GRID2: variants seen among roughly 807,000 people sequenced by gnomAD.
GRID2 encodes glutamate receptor ionotropic, delta-2.
Under a neutral mutation model 114.8 loss-of-function variants are expected in GRID2, and 33 were observed. That is an observed-to-expected ratio of 0.29 (90% CI 0.22 to 0.38). GRID2 has a LOEUF of 0.38. Among genes scored for constraint, GRID2 ranks in the 10% least tolerant of loss-of-function variants. The probability of loss-of-function intolerance (pLI) is 1.00; values close to 1 mark genes in which losing one functional copy is unlikely to be tolerated. For synonymous variants in GRID2, 505 were observed against 449.9 expected (o/e 1.12, Z -1.55); for missense variants, 1,184 against 1,257.7 (o/e 0.94, Z 0.89).
chr4:93,230,207 TC>T (rs1745963107), intron 7 of GRID2, among the ~76,000 whole-genome samples: 1 of 151,966 alleles, frequency 6.6e-6, no homozygotes, highest in African/African-American at 2.4e-5. Flanking sequence ...CATTAGATTT[TC>T]AAACTGGTTA....
intron 14 of GRID2, among the ~76,000 whole-genome samples, chr4:93,645,506 TAAAAAG>T (rs1424035598): frequency 6.6e-6 from 1 of 152,072 alleles, no homozygotes; most frequent in Non-Finnish European, 1.5e-5. Context: ...GGCATAGAGA[TAAAAAG>T]AAAAAGGTTG....
chr4:93,800,321 G>T (rs2110366112), intron 1 of GRID2, among the ~76,000 whole-genome samples: 1 of 152,322 alleles, frequency 6.6e-6, no homozygotes, highest in African/African-American at 2.4e-5. Flanking sequence ...ATGGGAAAAT[G>T]ATATGACCCT....
chr4:92,808,819 G>A (rs573854800), intron 2 of GRID2, among the ~76,000 whole-genome samples: 1 of 150,548 alleles, frequency 6.6e-6, no homozygotes, highest in South Asian at 2.1e-4. Context: ...TTATTCCCAT[G>A]TTGGCTAACA....
At chr4:92,307,844 T>A (rs555651803) in intron 1 of GRID2, among the ~76,000 whole-genome samples, 4 of 152,148 alleles carry the variant, frequency 2.6e-5, no homozygotes, top group Non-Finnish European at 5.9e-5. Flanking sequence ...TAAAGAAAGG[T>A]CTTTTGACAT....
rs1304447510 is a variant in GRID2 at position 92,935,478 on chromosome 4, G to A, written c.245-149517G>A. ...CAACCATTGTGGAAGTCAGTGTGGC[G>A]CTTCCTCAGGGATCTAGAACTAGAA... is the stretch of plus-strand genomic sequence containing the variant. On this transcript the variant is annotated intron_variant, in intron 2 of 15. Coordinates refer to ENST00000282020, the MANE Select transcript of GRID2 (RefSeq NM_001510.4). Among the ~76,000 whole-genome samples, 37 of 146,232 alleles carry A rather than the reference G, an allele frequency of 2.5e-4. 3 individuals carry two copies. Among genetic ancestry groups the A allele is most frequent in the South Asian group, 6.9e-4 (3 of 4,342 alleles).
rs1239048411 is a variant in GRID2 at position 92,868,100 on chromosome 4, CTCTT to C, written c.245-216885_245-216882del. 2.4e-3 allele frequency among the ~76,000 whole-genome samples: 357 copies of C among 146,532 alleles called. 5 individuals are homozygous for C. In the South Asian group the frequency reaches 0.025, roughly 10 times the overall value. ...TCTGTCTGTCTGTCTTTCTTTCTTT[CTCTT>C]TCTTTCTTTTTTTAATGTGCAGTTG... is the stretch of plus-strand genomic sequence containing the variant. On this transcript the variant is annotated intron_variant, in intron 2 of 15. Coordinates refer to ENST00000282020, the MANE Select transcript of GRID2 (RefSeq NM_001510.4).
intron 2 of GRID2, among the ~76,000 whole-genome samples, chr4:92,630,848 A>G (rs1730770466): frequency 6.6e-6 from 1 of 152,076 alleles, no homozygotes. Flanking sequence ...GTTTTAAACT[A>G]TAATCCAATT....
At chr4:93,373,840 C>G (rs1368716) in intron 8 of GRID2, among the ~76,000 whole-genome samples, 1 of 151,940 alleles carries the variant, frequency 6.6e-6, no homozygotes, top group Admixed American at 6.6e-5. Flanking sequence ...AAATGCCAGC[C>G]GGGAAAGGCT....
intron 2 of GRID2, among the ~76,000 whole-genome samples, chr4:93,070,559 G>A (rs72665248): frequency 0.027 from 4,042 of 152,018 alleles, 97 homozygotes; most frequent in Non-Finnish European, 0.042. Flanking sequence ...CCAACTATAT[G>A]TCTTAATCAG....
At chr4:93,171,973 T>C (rs1320120118) in intron 4 of GRID2, among the ~76,000 whole-genome samples, 2 of 152,200 alleles carry the variant, frequency 1.3e-5, no homozygotes, top group Non-Finnish European at 2.9e-5. Flanking sequence ...AATTGCTAGA[T>C]TATCATTATA....
At chr4:92,937,713 C>G (rs1432687632) in intron 2 of GRID2, among the ~76,000 whole-genome samples, 2 of 146,560 alleles carry the variant, frequency 1.4e-5, no homozygotes, top group African/African-American at 4.9e-5. Context: ...GATCAGCTTT[C>G]TTTAACATTT....
At chr4:93,764,187 A>G (rs1408438383) in intron 14 of GRID2, among the ~76,000 whole-genome samples, 1 of 152,194 alleles carries the variant, frequency 6.6e-6, no homozygotes, top group African/African-American at 2.4e-5. Context: ...CTTTAATTTT[A>G]ATATGAAAGA....
chr4:93,600,606 T>C (rs1363146900), intron 13 of GRID2, among the ~76,000 whole-genome samples: 1 of 152,142 alleles, frequency 6.6e-6, no homozygotes, highest in Non-Finnish European at 1.5e-5. Flanking sequence ...AGAACTTACA[T>C]ATATTGATGA....
rs187520559 is a variant in GRID2 at position 93,473,374 on chromosome 4, A to G, written c.1859-17265A>G. On this transcript the variant is annotated intron_variant, in intron 11 of 15. Coordinates refer to ENST00000282020, the MANE Select transcript of GRID2 (RefSeq NM_001510.4). ...ATACTTCATATTTGAACATTTCAACAATTAAAATCACATAAGTTTTAATAG... is the reference window on the plus strand; with the variant it reads ...ATACTTCATATTTGAACATTTCAACGATTAAAATCACATAAGTTTTAATAG... Among the ~76,000 whole-genome samples, 418 of 152,296 alleles carry G rather than the reference A, an allele frequency of 2.7e-3. 2 individuals are homozygous for G. Among genetic ancestry groups the G allele is most frequent in the African/African-American group, 9.7e-3 (402 of 41,572 alleles).
chr4:93,436,629 A>G (rs1176933544), intron 10 of GRID2, among the ~76,000 whole-genome samples: 1 of 152,196 alleles, frequency 6.6e-6, no homozygotes, highest in Non-Finnish European at 1.5e-5. Context: ...GAAACTATCA[A>G]TAGTTACATG....
intron 13 of GRID2, among the ~76,000 whole-genome samples, chr4:93,619,446 G>A (rs1398513114): frequency 6.6e-6 from 1 of 152,180 alleles, no homozygotes; most frequent in Non-Finnish European, 1.5e-5. Context: ...CTTTGCGCCT[G>A]TGATTCACAA....
intron 2 of GRID2, among the ~76,000 whole-genome samples, chr4:92,973,489 C>T (rs1553960243): frequency 6.6e-6 from 1 of 152,066 alleles, no homozygotes; most frequent in Non-Finnish European, 1.5e-5. Flanking sequence ...AGTTTCATAG[C>T]TGTTGTGTAA....
chr4:92,798,938 T>A (rs2149370492), intron 2 of GRID2, among the ~76,000 whole-genome samples: 1 of 152,122 alleles, frequency 6.6e-6, no homozygotes, highest in African/African-American at 2.4e-5. Context: ...CTAAGGCTAC[T>A]ATAACAAATG....
At chr4:93,563,398 A>G (rs1005126369) in intron 13 of GRID2, among the ~76,000 whole-genome samples, 3 of 151,856 alleles carry the variant, frequency 2.0e-5, no homozygotes, top group African/African-American at 7.2e-5. Context: ...TCATTTTCTC[A>G]TTTTGGTCAT....
Sources: allele counts gnomAD v4.1 joint callset (sites outside exome capture counted in the v4.1 genomes callset), GRCh38; gene constraint gnomAD v4.1.1; transcripts MANE v1.5; gene names NCBI Gene and HGNC (gene_info 2026-07-23, HGNC 2026-07-21).